Variants in GUCA1C observed in about 807,000 individuals in gnomAD.
The protein encoded by GUCA1C is guanylyl cyclase-activating protein 3.
In GUCA1C, 15 loss-of-function variants were observed where a neutral mutation model predicts 16.2. The ratio of observed to expected loss-of-function variants is 0.93; its 90% confidence interval spans 0.62 to 1.43. The LOEUF (loss-of-function observed/expected upper bound fraction) is 1.43, where lower values mean the gene tolerates loss of function less well. GUCA1C is among the 40% of genes most tolerant of loss of function. The pLI, the probability that GUCA1C is intolerant of heterozygous loss-of-function variation, is 0.00. For missense variants in GUCA1C, 275 were observed against 244.8 expected, an observed-to-expected ratio of 1.12 and a Z score of -0.82; for synonymous variants, 78 against 85.4, an observed-to-expected ratio of 0.91 and a Z score of 0.48.
At chr3:108,938,825 C>A (rs540070736) in intron 1 of GUCA1C, among the ~76,000 whole-genome samples, 51 of 152,320 alleles carry the variant, frequency 3.3e-4, no homozygotes, top group African/African-American at 1.2e-3. Flanking sequence ...GGTTCTGAGA[C>A]AAATGACTTC....
intron 1 of GUCA1C, among the ~76,000 whole-genome samples, chr3:108,933,120 C>G (rs1459522971): frequency 2.0e-5 from 3 of 152,118 alleles, no homozygotes; most frequent in Non-Finnish European, 4.4e-5. Context: ...TCACTGCCAG[C>G]CCTAGCATGA....
intron 1 of GUCA1C, among the ~76,000 whole-genome samples, chr3:108,921,968 T>C (rs951063021): frequency 2.0e-5 from 3 of 152,152 alleles, no homozygotes; most frequent in Non-Finnish European, 4.4e-5. Context: ...TGTATCATTC[T>C]TATACCTTTG....
chr3:108,936,253 C>T (rs1034625150), intron 1 of GUCA1C, among the ~76,000 whole-genome samples: 2 of 151,614 alleles, frequency 1.3e-5, no homozygotes, highest in African/African-American at 4.8e-5. Flanking sequence ...CAGAGTGAGA[C>T]CCTGTCTCGA....
chr3:108,933,154 C>T (rs1042529941), intron 1 of GUCA1C, among the ~76,000 whole-genome samples: 4 of 152,114 alleles, frequency 2.6e-5, no homozygotes, highest in African/African-American at 7.2e-5. Context: ...TTTTACTCCA[C>T]CAATTTTTCT....
chr3:108,932,597 C>T (rs995376432), intron 1 of GUCA1C, among the ~76,000 whole-genome samples: 1 of 152,082 alleles, frequency 6.6e-6, no homozygotes, highest in Non-Finnish European at 1.5e-5. Context: ...ACCCATATGG[C>T]TCAGTCTCAA....
intron 1 of GUCA1C, among the ~76,000 whole-genome samples, chr3:108,932,133 AGCCACC>A (rs1426316179): frequency 6.6e-6 from 1 of 151,532 alleles, no homozygotes; most frequent in Non-Finnish European, 1.5e-5. Flanking sequence ...TGCAGGCTTG[AGCCACC>A]GCACCCGGCC....
upstream of GUCA1C, chr3:108,953,882 A>G (rs1946925196): frequency 1.5e-6 from 1 of 665,992 alleles, no homozygotes; most frequent in African/African-American, 1.8e-5. Flanking sequence ...GCTACTCTAA[A>G]CCTCTTACAG....
chr3:108,944,199 A>G (rs914476484), intron 1 of GUCA1C, among the ~76,000 whole-genome samples: 3 of 152,130 alleles, frequency 2.0e-5, no homozygotes, highest in African/African-American at 7.2e-5. Context: ...AAAGAGAGGA[A>G]TGGAAAGGAA....
chr3:108,939,817 C>T (rs769967242), intron 1 of GUCA1C, among the ~76,000 whole-genome samples: 2 of 152,138 alleles, frequency 1.3e-5, no homozygotes, highest in African/African-American at 2.4e-5. Flanking sequence ...TGTGGCTACA[C>T]ATTAGAATCA....
At chr3:108,911,933 C>G (rs969556062) in intron 3 of GUCA1C, among the ~76,000 whole-genome samples, 3 of 151,986 alleles carry the variant, frequency 2.0e-5, no homozygotes, top group African/African-American at 7.2e-5. Context: ...TGGTGAAACC[C>G]CGTTTCTACT....
chr3:108,929,026 G>T (rs532161388), intron 1 of GUCA1C, among the ~76,000 whole-genome samples: 5 of 152,258 alleles, frequency 3.3e-5, no homozygotes, highest in Admixed American at 3.3e-4. Context: ...ATCAACTTGG[G>T]AAGAAGTGAC....
chr3:108,910,027 AGGTGCTCAGAAG>A (rs1946433557), intron 3 of GUCA1C, among the ~76,000 whole-genome samples: 1 of 152,242 alleles, frequency 6.6e-6, no homozygotes, highest in Non-Finnish European at 1.5e-5. Context: ...TGAATATGGT[AGGTGCTCAGAAG>A]GCACACACTG....
In GUCA1C at chr3:108,953,565, C is replaced by T. The variant is rs1365357510; in HGVS notation, c.198G>A (p.Thr66=). 4.4e-6 allele frequency: 7 copies of T among 1,588,666 alleles called. No homozygotes were observed. The Admixed American group carries it at 5.0e-5, about 11-fold the overall frequency. The part of the protein sequence containing the change: ...HIDQVYNTFD[T]NKDGFVDFLE... ...GAAAAATGAAAGATCTTACCTTGTT[C>T]GTGTCAAAGGTATTATAAACTTGAT... is the stretch of plus-strand genomic sequence containing the variant. Residue 66 remains threonine, a synonymous_variant, in exon 1 of 4, where the codon ACG becomes ACA. Coordinates refer to ENST00000261047, the MANE Select transcript of GUCA1C (RefSeq NM_005459.4).
At chr3:108,954,193 A>C (rs1946927526), upstream of GUCA1C, among the ~76,000 whole-genome samples, 1 of 152,176 alleles carries the variant, frequency 6.6e-6, no homozygotes, top group African/African-American at 2.4e-5. Context: ...CATTACTTAC[A>C]TTCTCGTGTT....
chr3:108,943,630 A>G (rs1946813443), intron 1 of GUCA1C, among the ~76,000 whole-genome samples: 4 of 152,038 alleles, frequency 2.6e-5, no homozygotes, highest in Admixed American at 2.6e-4. Flanking sequence ...GAGTGGCGGG[A>G]GAGCCCTCCT....
chr3:108,951,911 C>T (rs1478363788), intron 1 of GUCA1C, among the ~76,000 whole-genome samples: 2 of 152,228 alleles, frequency 1.3e-5, no homozygotes, highest in Non-Finnish European at 2.9e-5. Context: ...CAGATCCTTG[C>T]TTCCACCCAG....
intron 1 of GUCA1C, among the ~76,000 whole-genome samples, chr3:108,951,373 ATG>A (rs1423128213): frequency 2.0e-5 from 3 of 152,222 alleles, no homozygotes; most frequent in African/African-American, 7.2e-5. Flanking sequence ...TCCTATCCAT[ATG>A]TATCTCATAA....
chr3:108,953,981 A>G, upstream of GUCA1C: 1 of 560,152 alleles, frequency 1.8e-6, no homozygotes, highest in Non-Finnish European at 3.2e-6. Flanking sequence ...GGTAACTAAC[A>G]TGCTTACAGT....
chr3:108,909,905 C>T (rs1045836365), intron 3 of GUCA1C, among the ~76,000 whole-genome samples: 1 of 152,144 alleles, frequency 6.6e-6, no homozygotes, highest in Non-Finnish European at 1.5e-5. Flanking sequence ...TCCTCAGTTT[C>T]CCTCCAGCAC....
Sources: allele counts gnomAD v4.1 joint callset (sites outside exome capture counted in the v4.1 genomes callset), GRCh38; gene constraint gnomAD v4.1.1; transcripts MANE v1.5; gene names NCBI Gene and HGNC (gene_info 2026-07-23, HGNC 2026-07-21).